Variants in CSNK1G2 observed in about 807,000 individuals in gnomAD.
CSNK1G2 encodes the protein casein kinase 1 gamma 2, also known as casein kinase I isoform gamma-2.
CSNK1G2 carries 11 observed loss-of-function variants against 48.0 expected under a neutral mutation model. That is an observed-to-expected ratio of 0.23 (90% CI 0.14 to 0.38). The LOEUF is 0.38. Among genes scored for constraint, CSNK1G2 ranks in the 10% least tolerant of loss-of-function variants. CSNK1G2 has a pLI of 1.00. For missense variants in CSNK1G2, 446 were observed against 595.5 expected, an observed-to-expected ratio of 0.75 and a Z score of 2.61; for synonymous variants, 337 against 254.1, an observed-to-expected ratio of 1.33 and a Z score of -3.10.
chr19:1,945,829 A>G (rs895155757), intron 1 of CSNK1G2, among the ~76,000 whole-genome samples: 6 of 151,980 alleles, frequency 3.9e-5, no homozygotes, highest in Admixed American at 6.5e-5. Context: ...CTCAAAAAAA[A>G]AAAAAAAAAA....
At position 1,941,977 on chromosome 19, in the gene CSNK1G2, G is replaced by A. The variant is rs150699553; in HGVS notation, c.-266+559G>A. ...CCACCTGGCCCCATCGCCTCCTCCT[G>A]TCTTGGCCTGGCCCCTCCCCACGCA... On this transcript the variant is annotated intron_variant, in intron 1 of 11. Coordinates refer to ENST00000255641, the MANE Select transcript of CSNK1G2 (RefSeq NM_001319.7). Among the ~76,000 whole-genome samples, 1,486 of 151,990 alleles carry A rather than the reference G, an allele frequency of 9.8e-3. 8 individuals carry two copies. Among genetic ancestry groups the A allele is most frequent in the Admixed American group, 0.014 (221 of 15,262 alleles).
chr19:1,947,807 C>T (rs1003202923), intron 1 of CSNK1G2, among the ~76,000 whole-genome samples: 1 of 152,180 alleles, frequency 6.6e-6, no homozygotes, highest in Non-Finnish European at 1.5e-5. Context: ...GCCTGTACGC[C>T]GTGGAGAGGG....
chr19:1,965,579 C>T (rs1038721981), intron 1 of CSNK1G2, among the ~76,000 whole-genome samples: 2 of 152,004 alleles, frequency 1.3e-5, no homozygotes, highest in African/African-American at 4.8e-5. Context: ...TGGCTCACTG[C>T]ATCCTCCACC....
At chr19:1,947,324 C>G (rs1040437290) in intron 1 of CSNK1G2, among the ~76,000 whole-genome samples, 1 of 152,202 alleles carries the variant, frequency 6.6e-6, no homozygotes, top group African/African-American at 2.4e-5. Flanking sequence ...GACCCGCCCT[C>G]CTTAGGGACC....
chr19:1,958,599 TC>T (rs1197051988), intron 1 of CSNK1G2, among the ~76,000 whole-genome samples: 1 of 59,344 alleles, frequency 1.7e-5, no homozygotes, highest in African/African-American at 6.6e-5. Flanking sequence ...CGTCCCCCTG[TC>T]CCCCCGTCCC....
At chr19:1,973,304 A>G (rs951371591) in intron 2 of CSNK1G2, among the ~76,000 whole-genome samples, 5 of 151,338 alleles carry the variant, frequency 3.3e-5, no homozygotes, top group East Asian at 2.0e-4. Context: ...GCTCACTGCA[A>G]CCTCCGCCTC....
At chr19:1,962,557 C>T (rs1169007101) in intron 1 of CSNK1G2, among the ~76,000 whole-genome samples, 1 of 151,644 alleles carries the variant, frequency 6.6e-6, no homozygotes, top group African/African-American at 2.4e-5. Flanking sequence ...CCCAGCTACT[C>T]GGGAGGCTGA....
chr19:1,951,168 G>A (rs1275336992), intron 1 of CSNK1G2, among the ~76,000 whole-genome samples: 1 of 145,630 alleles, frequency 6.9e-6, no homozygotes, highest in South Asian at 2.2e-4. Flanking sequence ...TTGGGAGGCC[G>A]AGACGGGCAG....
chr19:1,975,591 G>A (rs375535416), intron 2 of CSNK1G2: 12 of 985,444 alleles, frequency 1.2e-5, no homozygotes, highest in African/African-American at 1.7e-5. Flanking sequence ...CCTTTTGGGC[G>A]GGGAAGGGGG....
At chr19:1,950,882 G>T (rs893458695) in intron 1 of CSNK1G2, among the ~76,000 whole-genome samples, 1 of 146,262 alleles carries the variant, frequency 6.8e-6, no homozygotes, top group African/African-American at 2.6e-5. Flanking sequence ...GGGTATCATG[G>T]CGGAGCGTGT....
intron 2 of CSNK1G2, among the ~76,000 whole-genome samples, chr19:1,977,770 A>C (rs1020543921): frequency 6.7e-6 from 1 of 148,934 alleles, no homozygotes; most frequent in African/African-American, 2.5e-5. Flanking sequence ...AAAAAAAAAA[A>C]GGTTCTGGGC....
Position 1,967,794 on chromosome 19 carries a change from T to C in CSNK1G2, c.-265-1714T>C, listed in dbSNP as rs12974149. 2.3e-3 allele frequency among the ~76,000 whole-genome samples: 72 copies of C among 30,746 alleles called. 1 individual carries two copies. Among genetic ancestry groups the C allele is most frequent in the African/African-American group, 7.8e-3 (24 of 3,082 alleles). The allele number at this position is 30,746 out of a possible 152,430, so 20.2% of individuals were successfully genotyped here. A position where few individuals can be genotyped will look rare whatever the true frequency, so the allele number is the denominator to read the frequency against. On this transcript the variant is annotated intron_variant, in intron 1 of 11. Coordinates refer to ENST00000255641, the MANE Select transcript of CSNK1G2 (RefSeq NM_001319.7). ...TCAGTTCTGCAGGTGGGGCTCCTCC[T>C]TCCTCCCTCCTCCCCAGGCTGCCCC...
intron 2 of CSNK1G2, chr19:1,975,535 C>T (rs1326350168): frequency 4.1e-6 from 4 of 985,322 alleles, no homozygotes; most frequent in Non-Finnish European, 4.8e-6. Context: ...CAGCACCAGG[C>T]GGGCACACGC....
In CSNK1G2 at chr19:1,980,324, C is replaced by G. The variant is rs1014157433; in HGVS notation, c.*121C>G. 10 of 1,266,294 alleles carry G rather than the reference C, an allele frequency of 7.9e-6. No individual in the cohort carries two copies. Among genetic ancestry groups the G allele is most frequent in the Non-Finnish European group, 1.0e-5 (9 of 881,708 alleles). The allele number at this position is 1,266,294 out of a possible 1,614,324, so 78.4% of individuals were successfully genotyped here. A position where few individuals can be genotyped will look rare whatever the true frequency, so the allele number is the denominator to read the frequency against. On this transcript the variant is annotated 3_prime_UTR_variant, in exon 12 of 12. Coordinates refer to ENST00000255641, the MANE Select transcript of CSNK1G2 (RefSeq NM_001319.7). ...GCCAGACCCTGGCTGGAAGCCAGAA[C>G]GCAGACTGCAGGGGCCGCGCCTGGC...
Position 1,976,890 on chromosome 19 carries a change from T to C in CSNK1G2, c.188-1415T>C, listed in dbSNP as rs562894445. On this transcript the variant is annotated intron_variant, in intron 2 of 11. Coordinates refer to ENST00000255641, the MANE Select transcript of CSNK1G2 (RefSeq NM_001319.7). ...TGGTAGCTGGGATTACAGGCATGCA[T>C]CACCATGCCAGGCTAATTTTGTATT... Among the ~76,000 whole-genome samples, 78 of 152,130 alleles carry C rather than the reference T, an allele frequency of 5.1e-4. 1 individual carries two copies. The highest frequency in any genetic ancestry group is 1.8e-3 in the African/African-American group (76 of 41,514).
At chr19:1,941,488 C>T (rs1469096635) in intron 1 of CSNK1G2, 70 bp downstream of exon 1, 1 of 143,544 alleles carries the variant, frequency 7.0e-6, no homozygotes, top group Non-Finnish European at 1.5e-5. Context: ...CCCAGTGACC[C>T]CCGGCGCCCC....
Position 1,980,584 on chromosome 19 carries a change from C to T in CSNK1G2, c.*381C>T, listed in dbSNP as rs1444905965. The T allele has an allele frequency of 1.7e-5, 5 of 292,002 alleles. No individual in the cohort carries two copies. Among genetic ancestry groups the T allele is most frequent in the Non-Finnish European group, 3.3e-5 (5 of 152,050 alleles). 18.1% of individuals were successfully genotyped at this position (292,002 alleles called of 1,614,324 possible). A position where few individuals can be genotyped will look rare whatever the true frequency, so the allele number is the denominator to read the frequency against. ...GGCCTGGCCCCGCCCCGCCAGCCGC[C>T]CCCGTTAGCGTCATAAAGTCCAGCT... On this transcript the variant is annotated 3_prime_UTR_variant, in exon 12 of 12. Transcript: ENST00000255641.
chr19:1,961,671 G>A (rs1388576922), intron 1 of CSNK1G2, among the ~76,000 whole-genome samples: 2 of 152,198 alleles, frequency 1.3e-5, no homozygotes, highest in African/African-American at 2.4e-5. Flanking sequence ...GGGGGGTGGG[G>A]GACTACGTCT....
At chr19:1,962,242 A>T (rs1182678993) in intron 1 of CSNK1G2, among the ~76,000 whole-genome samples, 2 of 140,404 alleles carry the variant, frequency 1.4e-5, no homozygotes, top group Admixed American at 6.9e-5. Context: ...TGAGGCAGAG[A>T]ACTGCACGAA....
Sources: allele counts gnomAD v4.1 joint callset (sites outside exome capture counted in the v4.1 genomes callset), GRCh38; gene constraint gnomAD v4.1.1; transcripts MANE v1.5; gene names NCBI Gene and HGNC (gene_info 2026-07-23, HGNC 2026-07-21).